The following EML5 variants were observed in gnomAD, a reference collection of about 807,000 sequenced individuals.
The protein encoded by EML5 is echinoderm microtubule-associated protein-like 5.
Under a neutral mutation model 250.0 loss-of-function variants are expected in EML5, and 120 were observed. That is an observed-to-expected ratio of 0.48 (90% CI 0.41 to 0.56). The LOEUF (loss-of-function observed/expected upper bound fraction) is 0.56, where lower values mean the gene tolerates loss of function less well. EML5 is among the 20% of genes least tolerant of loss of function. The probability of loss-of-function intolerance (pLI) is 0.00; values close to 1 mark genes in which losing one functional copy is unlikely to be tolerated. For missense variants in EML5, 2,006 were observed against 2,437.6 expected, an observed-to-expected ratio of 0.82 and a Z score of 3.73; for synonymous variants, 771 against 806.5, an observed-to-expected ratio of 0.96 and a Z score of 0.75.
chr14:88,662,339 GTTT>G lies in EML5; in HGVS notation c.3499-512_3499-510del, dbSNP rs71127000. 1.4e-4 allele frequency among the ~76,000 whole-genome samples: 8 copies of G among 55,658 alleles called. No individual in the cohort carries two copies. In the East Asian group the frequency reaches 4.2e-3, roughly 29 times the overall value. The allele number at this position is 55,658 out of a possible 152,430, so 36.5% of individuals were successfully genotyped here. On this transcript the variant is annotated intron_variant, in intron 24 of 43. Transcript: ENST00000554922. ...CACAAAATGCAACACAATTTTTCTT[GTTT>G]TTTTTTTTTTTTTTTTTTTTTTTTA...
intron 28 of EML5, among the ~76,000 whole-genome samples, chr14:88,649,642 TAAAG>T (rs993389562): frequency 2.0e-5 from 3 of 152,174 alleles, no homozygotes; most frequent in Non-Finnish European, 4.4e-5. Flanking sequence ...CTCTGAAACT[TAAAG>T]AAAACCAAAA....
chr14:88,701,708 C>T (rs1405372919), intron 14 of EML5, among the ~76,000 whole-genome samples: 3 of 152,168 alleles, frequency 2.0e-5, no homozygotes, highest in Non-Finnish European at 4.4e-5. Context: ...TATATTTACA[C>T]AGTGTTTAAA....
chr14:88,734,173 GA>G (rs2093803836), intron 7 of EML5, among the ~76,000 whole-genome samples: 1 of 152,132 alleles, frequency 6.6e-6, no homozygotes, highest in South Asian at 2.1e-4. Context: ...TTACAGAAAG[GA>G]TTCTAGGGAA....
rs2087176429 is a variant in EML5 at position 88,613,719 on chromosome 14, G to A, written c.*2099C>T. On this transcript the variant is annotated 3_prime_UTR_variant, in exon 44 of 44. Coordinates refer to ENST00000554922, the MANE Select transcript of EML5 (RefSeq NM_183387.3). ...AAGCAAGGGTACCAGAGGGCACAGTGTGCTTTGGCATGCATTTTATACATA... is the reference window on the plus strand; with the variant it reads ...AAGCAAGGGTACCAGAGGGCACAGTATGCTTTGGCATGCATTTTATACATA... 1 of 152,178 alleles carries A rather than the reference G, an allele frequency of 6.6e-6. No individual in the cohort carries two copies. Among genetic ancestry groups the A allele is most frequent in the South Asian group, 2.1e-4 (1 of 4,830 alleles). The allele number at this position is 152,178 out of a possible 1,614,324, so 9.4% of individuals were successfully genotyped here.
chr14:88,722,973 T>A (rs539162443), intron 8 of EML5, among the ~76,000 whole-genome samples: 17 of 152,162 alleles, frequency 1.1e-4, no homozygotes, highest in African/African-American at 3.9e-4. Flanking sequence ...AGAATCTGTA[T>A]GTAACACAGC....
chr14:88,678,861 A>C lies in EML5; in HGVS notation c.3124+3029T>G, dbSNP rs1303095977. ...CCTAGAGGCTGTAACAAATGACCAC[A>C]AACTGTGTGTCCTAAAACAACAGAA... is the stretch of plus-strand genomic sequence containing the variant. On this transcript the variant is annotated intron_variant, in intron 21 of 43. Transcript: ENST00000554922. 3.3e-5 allele frequency among the ~76,000 whole-genome samples: 5 copies of C among 152,270 alleles called. No homozygotes were observed. In the East Asian group the frequency reaches 9.7e-4, roughly 29 times the overall value.
chr14:88,665,547 C>A lies in EML5; in HGVS notation c.3125-58G>T, dbSNP rs189551626. The A allele has an allele frequency of 6.3e-5, 101 of 1,604,472 alleles. No homozygotes were observed. The African/African-American group carries it at 1.3e-3, about 21-fold the overall frequency. On this transcript the variant is annotated intron_variant, in intron 21 of 43. Transcript: ENST00000554922. Reference sequence around the variant, plus strand: ...CCTTTTTTCTAATTTAAAGTATGGGCCAGGTGTGGTGGCTCATGCCTATAA... The same window carrying A: ...CCTTTTTTCTAATTTAAAGTATGGGACAGGTGTGGTGGCTCATGCCTATAA...
chr14:88,759,927 T>C (rs1244478941), intron 1 of EML5, among the ~76,000 whole-genome samples: 1 of 152,160 alleles, frequency 6.6e-6, no homozygotes, highest in East Asian at 1.9e-4. Flanking sequence ...TTTGGTAGTG[T>C]CAGTGTTCTT....
chr14:88,624,958 AAGAGG>A lies in EML5; in HGVS notation c.4898+7_4898+11del. The stretch of plus-strand genomic sequence containing the variant: ...AATGCATAAATATTCTGTGAAAAGA[AAGAGG>A]ACTCACGGCCTTTCCTTTCCCCCAG... On this transcript the variant is annotated splice_region_variant and intron_variant, in intron 36 of 43. Transcript: ENST00000554922. 1 of 1,612,230 alleles carries A rather than the reference AAGAGG, an allele frequency of 6.2e-7. No individual in the cohort carries two copies.
At chr14:88,727,782 T>C (rs1287794853) in intron 7 of EML5, among the ~76,000 whole-genome samples, 3 of 152,060 alleles carry the variant, frequency 2.0e-5, no homozygotes, top group Non-Finnish European at 4.4e-5. Flanking sequence ...AGGGAGAGAG[T>C]GTGTGTGTAG....
intron 13 of EML5, 84 bp from the exon 14 acceptor site, chr14:88,702,716 C>A: frequency 2.1e-6 from 2 of 969,720 alleles, no homozygotes; most frequent in East Asian, 3.1e-5. Context: ...AGTAGGTACC[C>A]TTTGGGTGAA....
At chr14:88,678,616 T>C (rs764879887) in intron 21 of EML5, among the ~76,000 whole-genome samples, 6 of 152,114 alleles carry the variant, frequency 3.9e-5, no homozygotes, top group Non-Finnish European at 5.9e-5. Flanking sequence ...AAAATACTCA[T>C]AGTGATTAAT....
chr14:88,650,960 C>T (rs1444905765), intron 27 of EML5, among the ~76,000 whole-genome samples: 1 of 152,002 alleles, frequency 6.6e-6, no homozygotes, highest in Admixed American at 6.6e-5. Flanking sequence ...ATATAAAGTG[C>T]TTTATTTCAT....
chr14:88,773,971 T>G (rs1196101357), intron 1 of EML5, among the ~76,000 whole-genome samples: 1 of 152,038 alleles, frequency 6.6e-6, no homozygotes, highest in African/African-American at 2.4e-5. Flanking sequence ...ATACAAAAAT[T>G]AGCTTGGTGT....
rs926920090 is a variant in EML5 at position 88,613,302 on chromosome 14, G to C, written c.*2516C>G. On this transcript the variant is annotated 3_prime_UTR_variant, in exon 44 of 44. Coordinates refer to ENST00000554922, the MANE Select transcript of EML5 (RefSeq NM_183387.3). ...AAAGGTTTACTCCATTGAATTTAAGGCATTTGTTCATTCCAGTGTTGAGAT... is the reference window on the plus strand; with the variant it reads ...AAAGGTTTACTCCATTGAATTTAAGCCATTTGTTCATTCCAGTGTTGAGAT... 1 of 152,108 alleles carries C rather than the reference G, an allele frequency of 6.6e-6. No individual in the cohort carries two copies. Among genetic ancestry groups the C allele is most frequent in the African/African-American group, 2.4e-5 (1 of 41,424 alleles). The allele number at this position is 152,108 out of a possible 1,614,324, so 9.4% of individuals were successfully genotyped here.
chr14:88,771,347 C>G (rs946976005), intron 1 of EML5, among the ~76,000 whole-genome samples: 11 of 152,192 alleles, frequency 7.2e-5, no homozygotes, highest in African/African-American at 2.7e-4. Context: ...ACTAATCTAA[C>G]TGTACTGGCA....
chr14:88,789,045 G>A (rs1255701766), intron 1 of EML5, among the ~76,000 whole-genome samples: 1 of 151,268 alleles, frequency 6.6e-6, no homozygotes, highest in Non-Finnish European at 1.5e-5. Flanking sequence ...CCTGTGTGAC[G>A]CAGAGCAAGG....
chr14:88,764,144 T>G (rs888445122), intron 1 of EML5, among the ~76,000 whole-genome samples: 2 of 152,228 alleles, frequency 1.3e-5, no homozygotes, highest in African/African-American at 4.8e-5. Context: ...TTTTATTTGC[T>G]TATTAGCTTA....
chr14:88,644,836 G>A (rs1313488545), intron 29 of EML5: 3 of 183,162 alleles, frequency 1.6e-5, no homozygotes, highest in South Asian at 2.4e-4. Flanking sequence ...TCAGCCTCCC[G>A]AGTAGCTGGG....
Sources: gnomAD v4.1 joint callset for allele counts (sites outside exome capture counted in the v4.1 genomes callset) on GRCh38, gnomAD v4.1.1 for gene constraint, MANE v1.5 for transcripts, NCBI Gene and HGNC (gene_info 2026-07-23, HGNC 2026-07-21) for gene names.